AGBL4: variants seen among roughly 807,000 people sequenced by gnomAD.
The protein encoded by AGBL4 is AGBL carboxypeptidase 4.
In AGBL4, 58 loss-of-function variants were observed where a neutral mutation model predicts 66.4. That is an observed-to-expected ratio of 0.87 (90% CI 0.71 to 1.09). AGBL4 has a LOEUF of 1.09. AGBL4 is among the 50% of genes least tolerant of loss of function. The pLI, the probability that AGBL4 is intolerant of heterozygous loss-of-function variation, is 0.00. For synonymous variants in AGBL4, 234 were observed against 222.9 expected (o/e 1.05, Z -0.44); for missense variants, 579 against 631.0 (o/e 0.92, Z 0.88).
At chr1:49,883,529 C>G (rs1010801708) in intron 1 of AGBL4, among the ~76,000 whole-genome samples, 1 of 152,096 alleles carries the variant, frequency 6.6e-6, no homozygotes, top group African/African-American at 2.4e-5. Context: ...TTTATCACTA[C>G]TTTCCCTGTC....
chr1:49,207,602 C>CTTTCTTTTTTTCT (rs757148627), intron 4 of AGBL4, among the ~76,000 whole-genome samples: 1 of 83,608 alleles, frequency 1.2e-5, no homozygotes, highest in Non-Finnish European at 2.5e-5. Flanking sequence ...TTCTTTCTTT[C>CTTTCTTTTTTTCT]TTCTTTTTAT....
At chr1:49,262,844 A>G (rs1185868964) in intron 3 of AGBL4, among the ~76,000 whole-genome samples, 2 of 152,178 alleles carry the variant, frequency 1.3e-5, no homozygotes, top group Non-Finnish European at 2.9e-5. Flanking sequence ...TGTTATAAAG[A>G]CACATGTACA....
At chr1:48,528,934 C>A (rs1288099605), downstream of AGBL4, among the ~76,000 whole-genome samples, 1 of 152,004 alleles carries the variant, frequency 6.6e-6, no homozygotes, top group Non-Finnish European at 1.5e-5. Flanking sequence ...GTTATTTCAG[C>A]CTCACATGAG....
intron 3 of AGBL4, among the ~76,000 whole-genome samples, chr1:49,526,920 C>A (rs1650703178): frequency 6.6e-6 from 1 of 152,046 alleles, no homozygotes; most frequent in African/African-American, 2.4e-5. Context: ...CTGATACTGT[C>A]CAGCAGCAGC....
At chr1:48,923,941 A>G (rs1243219251) in intron 5 of AGBL4, among the ~76,000 whole-genome samples, 1 of 152,074 alleles carries the variant, frequency 6.6e-6, no homozygotes, top group Non-Finnish European at 1.5e-5. Context: ...AATGCAGCCA[A>G]CCTTCCACTT....
intron 4 of AGBL4, among the ~76,000 whole-genome samples, chr1:49,172,452 A>C (rs1646755633): frequency 6.6e-6 from 1 of 152,204 alleles, no homozygotes; most frequent in Non-Finnish European, 1.5e-5. Context: ...GCTACATCAG[A>C]AGCTTTATGA....
intron 6 of AGBL4, among the ~76,000 whole-genome samples, chr1:48,707,050 T>G (rs566669586): frequency 6.6e-6 from 1 of 152,326 alleles, no homozygotes; most frequent in South Asian, 2.1e-4. Flanking sequence ...TCCCAGCACT[T>G]TGGGAGGCTG....
intron 3 of AGBL4, among the ~76,000 whole-genome samples, chr1:49,559,156 A>C (rs1483067460): frequency 1.3e-5 from 2 of 152,180 alleles, no homozygotes; most frequent in Non-Finnish European, 2.9e-5. Flanking sequence ...AACACAGCAC[A>C]GTCCTAGTTG....
At chr1:49,068,878 C>G (rs1644543939) in intron 4 of AGBL4, among the ~76,000 whole-genome samples, 1 of 152,184 alleles carries the variant, frequency 6.6e-6, no homozygotes, top group African/African-American at 2.4e-5. Context: ...TTCTCTACAT[C>G]CTCTCCAGCA....
chr1:48,668,565 T>C (rs1041305741), intron 6 of AGBL4, among the ~76,000 whole-genome samples: 1 of 152,110 alleles, frequency 6.6e-6, no homozygotes, highest in East Asian at 1.9e-4. Context: ...ACTGGGCACA[T>C]GTTCTGTTTT....
intron 2 of AGBL4, among the ~76,000 whole-genome samples, chr1:49,769,838 A>G (rs1424445354): frequency 1.3e-5 from 2 of 152,192 alleles, no homozygotes; most frequent in African/African-American, 4.8e-5. Context: ...TAAACGTAAG[A>G]CCTCAAACTA....
rs548163623 is a variant in AGBL4, at chr1:49,329,463, C to T, written c.283-83599G>A. On this transcript the variant is annotated intron_variant, in intron 3 of 13. Coordinates refer to ENST00000371839, the MANE Select transcript of AGBL4 (RefSeq NM_032785.4). ...GGTGGATTGCTTGAGATCAGGAGTT[C>T]GAGATCAGCCTAGCCAACATGGCAA... Among the ~76,000 whole-genome samples, 460 of 152,110 alleles carry T rather than the reference C, an allele frequency of 3.0e-3. 5 individuals are homozygous for T. The highest frequency in any genetic ancestry group is 0.011 in the African/African-American group (448 of 41,508).
intron 6 of AGBL4, among the ~76,000 whole-genome samples, chr1:48,815,504 C>T (rs905656135): frequency 3.0e-4 from 45 of 152,070 alleles, no homozygotes; most frequent in South Asian, 1.0e-3. Context: ...TTAACCAGCT[C>T]GGTAGCTTTC....
chr1:49,152,234 C>A (rs1186782342), intron 4 of AGBL4, among the ~76,000 whole-genome samples: 1 of 152,128 alleles, frequency 6.6e-6, no homozygotes, highest in African/African-American at 2.4e-5. Flanking sequence ...GAGCACTGAG[C>A]CACACAAACC....
chr1:49,253,365 T>A (rs1026422063), intron 3 of AGBL4, among the ~76,000 whole-genome samples: 5 of 152,140 alleles, frequency 3.3e-5, no homozygotes, highest in Non-Finnish European at 5.9e-5. Context: ...CTATCCTAAA[T>A]ATATATGCAC....
At chr1:49,735,292 T>TGG (rs1017714539) in intron 2 of AGBL4, among the ~76,000 whole-genome samples, 1 of 113,424 alleles carries the variant, frequency 8.8e-6, no homozygotes, top group African/African-American at 4.7e-5. Context: ...GGTAGAGGTG[T>TGG]GTGGGTGTGT....
At chr1:49,922,380 C>T (rs1017973499) in intron 1 of AGBL4, among the ~76,000 whole-genome samples, 2 of 152,122 alleles carry the variant, frequency 1.3e-5, no homozygotes, top group African/African-American at 4.8e-5. Flanking sequence ...AAGTATTCCC[C>T]TTAAAAACAA....
chr1:49,081,895 C>T (rs1407633438), intron 4 of AGBL4, among the ~76,000 whole-genome samples: 1 of 152,130 alleles, frequency 6.6e-6, no homozygotes, highest in Non-Finnish European at 1.5e-5. Flanking sequence ...ATGACCTTTT[C>T]CACGTGTTTG....
chr1:49,760,002 G>A (rs545932978), intron 2 of AGBL4, among the ~76,000 whole-genome samples: 1 of 152,246 alleles, frequency 6.6e-6, no homozygotes, highest in African/African-American at 2.4e-5. Flanking sequence ...GAGTTTTATG[G>A]GGGTTGTGAA....
Sources: gnomAD v4.1 joint callset for allele counts (sites outside exome capture counted in the v4.1 genomes callset) on GRCh38, gnomAD v4.1.1 for gene constraint, MANE v1.5 for transcripts, NCBI Gene and HGNC (gene_info 2026-07-23, HGNC 2026-07-21) for gene names.